Variants in PANK1 observed in about 807,000 individuals in gnomAD.
PANK1 encodes the protein pantothenate kinase 1, also known as pantothenic acid kinase 1.
PANK1 carries 18 observed loss-of-function variants against 40.1 expected under a neutral mutation model. That is an observed-to-expected ratio of 0.45 (90% CI 0.31 to 0.67). The LOEUF is 0.67. Ranked by LOEUF, PANK1 falls within the 30% of genes least tolerant of loss-of-function variation. The pLI, the probability that PANK1 is intolerant of heterozygous loss-of-function variation, is 0.06. For synonymous variants in PANK1, 242 were observed against 237.7 expected (o/e 1.02, Z -0.17); for missense variants, 457 against 599.6 (o/e 0.76, Z 2.48).
At chr10:89,625,306 C>A (rs1005930588) in intron 1 of PANK1, among the ~76,000 whole-genome samples, 1 of 152,206 alleles carries the variant, frequency 6.6e-6, no homozygotes, top group African/African-American at 2.4e-5. Context: ...GCACAGCCAC[C>A]AACTGGCAGG....
intron 5 of PANK1, among the ~76,000 whole-genome samples, chr10:89,591,454 T>C (rs1423182946): frequency 6.6e-6 from 1 of 152,158 alleles, no homozygotes; most frequent in Admixed American, 6.5e-5. Flanking sequence ...AGCAAAAATG[T>C]TTTAGATTTG....
Position 89,593,911 on chromosome 10 carries a change from T to C in PANK1, c.978A>G (p.Ala326=). Residue 326 remains alanine, a synonymous_variant, in exon 4 of 7, where the codon GCA becomes GCG. Coordinates refer to ENST00000307534, the MANE Select transcript of PANK1 (RefSeq NM_148977.3). ...CAACATTGGTGCTGTCGCCTTTAGC[T>C]GCCATTTCCAGAGCTTCTTCAAAGG... ...CETFEEALEM[A]AKGDSTNVDK... The C allele has an allele frequency of 1.9e-6, 3 of 1,613,778 alleles. No individual in the cohort carries two copies. The highest frequency in any genetic ancestry group is 2.5e-6 in the Non-Finnish European group (3 of 1,179,658).
At chr10:89,594,663 T>C (rs1038562946) in intron 3 of PANK1, among the ~76,000 whole-genome samples, 1 of 152,172 alleles carries the variant, frequency 6.6e-6, no homozygotes, top group Non-Finnish European at 1.5e-5. Context: ...TACCACTCCA[T>C]AGTAAAAAAC....
At chr10:89,639,122 T>C (rs1311564839) in intron 1 of PANK1, 1 of 405,632 alleles carries the variant, frequency 2.5e-6, no homozygotes, top group East Asian at 7.2e-5. Context: ...GGGTAATTAA[T>C]AATGAACAGA....
intron 1 of PANK1, among the ~76,000 whole-genome samples, chr10:89,642,392 T>C (rs1028564367): frequency 2.4e-4 from 36 of 152,248 alleles, no homozygotes; most frequent in African/African-American, 8.0e-4. Flanking sequence ...CACATCTTGT[T>C]GGGACAGAGG....
chr10:89,588,182 T>C (rs1188575162), intron 6 of PANK1, among the ~76,000 whole-genome samples: 4 of 152,114 alleles, frequency 2.6e-5, no homozygotes, highest in African/African-American at 9.7e-5. Context: ...CCATTGTGTA[T>C]ATGTACCACA....
chr10:89,608,653 A>G (rs1845052426), intron 2 of PANK1, among the ~76,000 whole-genome samples: 1 of 152,218 alleles, frequency 6.6e-6, no homozygotes, highest in Non-Finnish European at 1.5e-5. Context: ...GCTCAAATAA[A>G]TCACACAGAT....
Position 89,611,809 on chromosome 10 carries a change from A to T in PANK1, c.532T>A (p.Cys178Ser). 2 of 1,614,244 alleles carry T rather than the reference A, an allele frequency of 1.2e-6. No homozygotes were observed. The highest frequency in any genetic ancestry group is 1.3e-5 in the African/African-American group (1 of 75,062). ...ATCTGAATGAACCTGTGCATAGCAC[A>T]GCTGGGAAAGCGGATGAAGTGCAGG... ...GNLHFIRFPSCAMHRFIQMGS... is the reference protein window; with the variant it reads ...GNLHFIRFPSSAMHRFIQMGS... Residue 178 changes from cysteine to serine, a missense_variant, in exon 2 of 7, where the codon TGT becomes AGT. Physicochemically the swap from Cys to Ser is moderately radical, Grantham distance 112 (BLOSUM62 -1). Coordinates refer to ENST00000307534, the MANE Select transcript of PANK1 (RefSeq NM_148977.3).
rs1201776559 is a variant in PANK1 at position 89,611,710 on chromosome 10, C to G, written c.631G>C (p.Glu211Gln). 6.2e-7 allele frequency: 1 copy of G among 1,608,232 alleles called. No homozygotes were observed. Among genetic ancestry groups the G allele is most frequent in the Admixed American group, 1.7e-5 (1 of 59,222 alleles). Residue 211 changes from glutamate to glutamine, a missense_variant, in exon 2 of 7, where the codon GAG becomes CAG. Coordinates refer to ENST00000307534, the MANE Select transcript of PANK1 (RefSeq NM_148977.3). The stretch of plus-strand genomic sequence containing the variant: ...ACCCGACCTACCATTCTGAAGTCCT[C>G]TTCGAATTTGAAAGCCCCGCCTCCT... Reference protein sequence around the residue: ...ATGGGAFKFEEDFRMIADLQL... With the variant: ...ATGGGAFKFEQDFRMIADLQL...
At chr10:89,608,387 G>A (rs1307452959) in intron 2 of PANK1, among the ~76,000 whole-genome samples, 12 of 151,936 alleles carry the variant, frequency 7.9e-5, no homozygotes, top group Non-Finnish European at 1.5e-4. Context: ...GAGGGATGGT[G>A]GGAAGAAAAA....
intron 2 of PANK1, among the ~76,000 whole-genome samples, chr10:89,604,182 T>A (rs567564351): frequency 6.6e-6 from 1 of 152,338 alleles, no homozygotes; most frequent in African/African-American, 2.4e-5. Flanking sequence ...TGTTATATCC[T>A]ATTTGTTCAA....
At chr10:89,608,944 C>T (rs1171172717) in intron 2 of PANK1, among the ~76,000 whole-genome samples, 1 of 152,222 alleles carries the variant, frequency 6.6e-6, no homozygotes, top group Non-Finnish European at 1.5e-5. Flanking sequence ...GATTTGCTGT[C>T]TTCTTCAGGT....
rs1409104097 is a variant in PANK1, at chr10:89,594,150, G to C, written c.900-161C>G. Among the ~76,000 whole-genome samples the C allele has an allele frequency of 5.3e-5, 8 of 152,264 alleles. No homozygotes were observed. In the East Asian group the frequency reaches 1.5e-3, roughly 29 times the overall value. ...TGCAACAGAGCTTTAGGGTAGACTG[G>C]ATATGAAAAGAGGGCAGAGACTAAA... On this transcript the variant is annotated intron_variant, in intron 3 of 6. Coordinates refer to ENST00000307534, the MANE Select transcript of PANK1 (RefSeq NM_148977.3).
intron 1 of PANK1, among the ~76,000 whole-genome samples, chr10:89,632,953 T>C (rs1841694591): frequency 6.6e-6 from 1 of 152,202 alleles, no homozygotes; most frequent in South Asian, 2.1e-4. Flanking sequence ...CATGTTGACC[T>C]TTACTCCCCT....
intron 2 of PANK1, among the ~76,000 whole-genome samples, chr10:89,603,533 A>G (rs535045918): frequency 6.6e-6 from 1 of 152,230 alleles, no homozygotes; most frequent in African/African-American, 2.4e-5. Flanking sequence ...ACTATTACCT[A>G]TTTTGCAGAT....
chr10:89,631,619 C>T (rs748925384), intron 1 of PANK1, among the ~76,000 whole-genome samples: 21 of 152,124 alleles, frequency 1.4e-4, no homozygotes, highest in Non-Finnish European at 2.5e-4. Context: ...TATTTCCAGA[C>T]AAAAATTATG....
In PANK1 at chr10:89,595,831, AAAATATATATATATATATAT is replaced by A. The variant is rs1194490299; in HGVS notation, c.900-1862_900-1843del. Among the ~76,000 whole-genome samples the A allele has an allele frequency of 9.3e-3, 528 of 56,708 alleles. 23 individuals are homozygous for A. The highest frequency in any genetic ancestry group is 0.048 in the African/African-American group (484 of 10,140). 37.2% of individuals were successfully genotyped at this position (56,708 alleles called of 152,430 possible). A position where few individuals can be genotyped will look rare whatever the true frequency, so the allele number is the denominator to read the frequency against. On this transcript the variant is annotated intron_variant, in intron 3 of 6. Transcript: ENST00000307534. ...GACTCCATCTTAAAAAAAAAAAAAA[AAAATATATATATATATATAT>A]ATATATATATATATATATATATAAC...
At position 89,630,491 on chromosome 10, in the gene PANK1, G is replaced by GT. The variant is rs202200905; in HGVS notation, c.292+14108dup. Among the ~76,000 whole-genome samples the GT allele has an allele frequency of 5.6e-4, 74 of 132,586 alleles. 5 individuals are homozygous for GT. Among genetic ancestry groups the GT allele is most frequent in the East Asian group, 1.6e-3 (6 of 3,840 alleles). The allele number at this position is 132,586 out of a possible 152,430, so 87.0% of individuals were successfully genotyped here. On this transcript the variant is annotated intron_variant, in intron 1 of 6. Transcript: ENST00000307534. ...AACATTAGGTGATCTCTAATGTGCA[G>GT]TTTTTTTGTTTTTTTTTTTGAGACG...
intron 1 of PANK1, among the ~76,000 whole-genome samples, chr10:89,616,002 G>A (rs1238109525): frequency 6.6e-6 from 1 of 152,152 alleles, no homozygotes; most frequent in Non-Finnish European, 1.5e-5. Context: ...CTTATTCTGT[G>A]TTTGCCAAGA....
Sources: gnomAD v4.1 joint callset for allele counts (sites outside exome capture counted in the v4.1 genomes callset) on GRCh38, gnomAD v4.1.1 for gene constraint, MANE v1.5 for transcripts, NCBI Gene and HGNC (gene_info 2026-07-23, HGNC 2026-07-21) for gene names.